Variants in TUSC3 observed in about 807,000 individuals in gnomAD.
TUSC3 encodes dolichyl-diphosphooligosaccharide--protein glycosyltransferase subunit TUSC3.
A neutral mutation model predicts 44.8 loss-of-function variants in TUSC3; 45 were observed. The observed-to-expected ratio is 1.00, with a 90% CI of 0.79 to 1.29. The LOEUF is 1.29. TUSC3 is among the 50% of genes most tolerant of loss of function. The probability of loss-of-function intolerance (pLI) is 0.00; values close to 1 mark genes in which losing one functional copy is unlikely to be tolerated. For synonymous variants in TUSC3, 212 were observed against 152.9 expected, an observed-to-expected ratio of 1.39 and a Z score of -2.85; for missense variants, 519 against 437.9, an observed-to-expected ratio of 1.19 and a Z score of -1.65.
At chr8:15,441,169 G>A (rs923517315) in intron 1 of TUSC3, among the ~76,000 whole-genome samples, 2 of 152,236 alleles carry the variant, frequency 1.3e-5, no homozygotes, top group African/African-American at 4.8e-5. Flanking sequence ...CACTTTGGGA[G>A]GCTGAGACAG....
At chr8:15,571,788 A>T (rs937996077) in intron 1 of TUSC3, among the ~76,000 whole-genome samples, 1 of 152,178 alleles carries the variant, frequency 6.6e-6, no homozygotes, top group Admixed American at 6.5e-5. Flanking sequence ...AACTAAGTTT[A>T]TGCAGCGTTC....
intron 6 of TUSC3, among the ~76,000 whole-genome samples, chr8:15,689,754 C>A (rs957201667): frequency 1.3e-5 from 2 of 151,630 alleles, no homozygotes; most frequent in Admixed American, 1.3e-4. Context: ...ATAATGGCAT[C>A]CAACTCCATT....
chr8:15,812,409 A>G, the TUSC3 span, among the ~76,000 whole-genome samples: 1 of 152,054 alleles, frequency 6.6e-6, no homozygotes, highest in African/African-American at 2.4e-5. Context: ...TTTTGAGAAA[A>G]TGGTTTTGAT....
At chr8:15,524,881 C>T (rs969500056) in intron 2 of TUSC3, among the ~76,000 whole-genome samples, 1 of 152,274 alleles carries the variant, frequency 6.6e-6, no homozygotes, top group South Asian at 2.1e-4. Flanking sequence ...ATGTAAAACA[C>T]TGTCACTCTT....
intron 6 of TUSC3, among the ~76,000 whole-genome samples, chr8:15,722,371 AT>A (rs1470577746): frequency 2.6e-5 from 4 of 151,650 alleles, no homozygotes; most frequent in Admixed American, 2.0e-4. Context: ...ATAACTTTTT[AT>A]GAAGAAGGGA....
chr8:15,589,865 A>T (rs1803750602), intron 1 of TUSC3, among the ~76,000 whole-genome samples: 1 of 152,224 alleles, frequency 6.6e-6, no homozygotes, highest in Non-Finnish European at 1.5e-5. Flanking sequence ...CTTTTGGAAA[A>T]GTTCGAAATA....
intron 2 of TUSC3, among the ~76,000 whole-genome samples, chr8:15,508,983 C>G (rs767928477): frequency 6.6e-6 from 1 of 151,992 alleles, no homozygotes; most frequent in African/African-American, 2.4e-5. Context: ...CCAGAAGTTG[C>G]GCCTGGTAGA....
the TUSC3 span, among the ~76,000 whole-genome samples, chr8:15,790,299 C>G: frequency 6.7e-6 from 1 of 148,764 alleles, no homozygotes; most frequent in African/African-American, 2.5e-5. Context: ...GATTCTCCTG[C>G]CTCAGCCTCC....
At chr8:15,834,125 G>A in the TUSC3 span, among the ~76,000 whole-genome samples, 60 of 151,820 alleles carry the variant, frequency 4.0e-4, no homozygotes, top group African/African-American at 1.3e-3. Context: ...TCTTTTTCAC[G>A]TTGTCTAATT....
At chr8:15,589,972 A>G (rs1450546293) in intron 1 of TUSC3, among the ~76,000 whole-genome samples, 1 of 152,190 alleles carries the variant, frequency 6.6e-6, no homozygotes, top group Non-Finnish European at 1.5e-5. Context: ...TGGTAGGCGT[A>G]GATTTCACTT....
chr8:15,609,667 C>T (rs1455098819), intron 1 of TUSC3, among the ~76,000 whole-genome samples: 1 of 151,894 alleles, frequency 6.6e-6, no homozygotes, highest in Non-Finnish European at 1.5e-5. Context: ...TCATGATTCC[C>T]ATTATAATGA....
chr8:15,786,348 C>A, the TUSC3 span, among the ~76,000 whole-genome samples: 1 of 152,148 alleles, frequency 6.6e-6, no homozygotes, highest in African/African-American at 2.4e-5. Flanking sequence ...TCTAAAGGTA[C>A]AGTCTGTCTC....
At chr8:15,550,101 A>AT (rs138982332) in intron 1 of TUSC3, among the ~76,000 whole-genome samples, 4,262 of 151,732 alleles carry the variant, frequency 0.028, 213 homozygotes, top group African/African-American at 0.096. Context: ...CAGGACAGGG[A>AT]TTTTCACAAT....
the TUSC3 span, among the ~76,000 whole-genome samples, chr8:15,815,485 C>A: frequency 6.6e-6 from 1 of 152,080 alleles, no homozygotes; most frequent in East Asian, 1.9e-4. Flanking sequence ...GTTATTAAAA[C>A]TTCTCCAGTG....
At chr8:15,480,669 T>C (rs539867671) in intron 1 of TUSC3, among the ~76,000 whole-genome samples, 1 of 152,320 alleles carries the variant, frequency 6.6e-6, no homozygotes, top group Admixed American at 6.5e-5. Context: ...TTGTTTCCTC[T>C]TCACAGTCCC....
chr8:15,679,919 C>T (rs1444865414), intron 6 of TUSC3, among the ~76,000 whole-genome samples: 10 of 151,930 alleles, frequency 6.6e-5, no homozygotes, highest in Non-Finnish European at 8.8e-5. Flanking sequence ...ACTTCTGGGT[C>T]GTCTATTGTG....
chr8:15,608,650 G>T (rs527878930), intron 1 of TUSC3, among the ~76,000 whole-genome samples: 1 of 152,198 alleles, frequency 6.6e-6, no homozygotes, highest in Admixed American at 6.5e-5. Context: ...GATAGTGCGT[G>T]AGTCTCGTGA....
intron 1 of TUSC3, among the ~76,000 whole-genome samples, chr8:15,562,115 G>C (rs1474822564): frequency 6.6e-6 from 1 of 152,124 alleles, no homozygotes; most frequent in Non-Finnish European, 1.5e-5. Flanking sequence ...CAGGAGTCTA[G>C]CTTCAGAGAT....
chr8:15,619,856 T>G (rs1367474097), intron 1 of TUSC3, among the ~76,000 whole-genome samples: 1 of 152,166 alleles, frequency 6.6e-6, no homozygotes, highest in African/African-American at 2.4e-5. Flanking sequence ...ATTATATTTA[T>G]GAATAGATCA....
Sources: gnomAD v4.1 joint callset for allele counts (sites outside exome capture counted in the v4.1 genomes callset) on GRCh38, gnomAD v4.1.1 for gene constraint, MANE v1.5 for transcripts, NCBI Gene and HGNC (gene_info 2026-07-23, HGNC 2026-07-21) for gene names.